TSHZ2: variants seen among roughly 807,000 people sequenced by gnomAD.
The protein encoded by TSHZ2 is teashirt homolog 2.
In TSHZ2, 21 loss-of-function variants were observed where a neutral mutation model predicts 74.4. The observed-to-expected ratio is 0.28, with a 90% CI of 0.20 to 0.41. The LOEUF (loss-of-function observed/expected upper bound fraction) is 0.41. Among genes scored for constraint, TSHZ2 ranks in the 10% least tolerant of loss-of-function variants. The pLI is 1.00. For synonymous variants in TSHZ2, 540 were observed against 515.3 expected (o/e 1.05, Z -0.65); for missense variants, 1,244 against 1,293.5 (o/e 0.96, Z 0.59).
Position 53,342,955 on chromosome 20 carries a change from C to CTTTTTTTTTTTTTT in TSHZ2, c.*8+86400_*8+86413dup, listed in dbSNP as rs1175907478. 3.2e-3 allele frequency among the ~76,000 whole-genome samples: 199 copies of CTTTTTTTTTTTTTT among 61,252 alleles called. 15 individuals carry two copies. Among genetic ancestry groups the CTTTTTTTTTTTTTT allele is most frequent in the African/African-American group, 4.8e-3 (72 of 14,978 alleles). 40.2% of individuals were successfully genotyped at this position (61,252 alleles called of 152,430 possible). A position where few individuals can be genotyped will look rare whatever the true frequency, so the allele number is the denominator to read the frequency against. On this transcript the variant is annotated intron_variant, in intron 2 of 2. Coordinates refer to ENST00000371497, the MANE Select transcript of TSHZ2 (RefSeq NM_173485.6). ...TATTTCTTTTCTTTTCTTTTCTTTT[C>CTTTTTTTTTTTTTT]TTTTTTTTTTTTTTTTTTTTTTTTT... is the stretch of plus-strand genomic sequence containing the variant.
At chr20:53,421,604 C>A in intron 2 of TSHZ2, 1 of 202,532 alleles carries the variant, frequency 4.9e-6, no homozygotes. Context: ...GAGCTTTGGG[C>A]CAGGAATGGC....
At chr20:53,321,560 T>G (rs1568867126) in intron 2 of TSHZ2, among the ~76,000 whole-genome samples, 1 of 151,572 alleles carries the variant, frequency 6.6e-6, no homozygotes, top group Non-Finnish European at 1.5e-5. Context: ...GGCACATGCC[T>G]GTAATCCCAG....
chr20:53,057,603 C>T (rs1361810262), intron 1 of TSHZ2, among the ~76,000 whole-genome samples: 5 of 152,064 alleles, frequency 3.3e-5, no homozygotes, highest in Non-Finnish European at 7.4e-5. Context: ...CATATTTGGT[C>T]ATATCCCCAA....
intron 2 of TSHZ2, among the ~76,000 whole-genome samples, chr20:53,432,904 C>T (rs991527709): frequency 6.6e-6 from 1 of 152,140 alleles, no homozygotes; most frequent in African/African-American, 2.4e-5. Flanking sequence ...GCAACAATGG[C>T]ATTGAGTCAA....
intron 2 of TSHZ2, among the ~76,000 whole-genome samples, chr20:53,378,688 A>G (rs1265463943): frequency 6.6e-6 from 1 of 152,224 alleles, no homozygotes; most frequent in African/African-American, 2.4e-5. Flanking sequence ...AGGATAGCTA[A>G]TGAATACTTT....
intron 1 of TSHZ2, among the ~76,000 whole-genome samples, chr20:53,124,555 C>T (rs1208241437): frequency 6.6e-6 from 1 of 152,210 alleles, no homozygotes; most frequent in African/African-American, 2.4e-5. Flanking sequence ...GAATTGCCAA[C>T]TTGGCTTTAC....
chr20:53,297,447 G>GA (rs1352562771), intron 2 of TSHZ2, among the ~76,000 whole-genome samples: 3 of 151,950 alleles, frequency 2.0e-5, no homozygotes, highest in Non-Finnish European at 2.9e-5. Flanking sequence ...CTTACCCAAG[G>GA]TAGTCTTGAA....
Position 53,312,094 on chromosome 20 carries a change from T to A in TSHZ2, c.*8+55523T>A, listed in dbSNP as rs1250148080. Among the ~76,000 whole-genome samples, 3 of 152,018 alleles carry A rather than the reference T, an allele frequency of 2.0e-5. No individual in the cohort carries two copies. In the East Asian group the frequency reaches 5.8e-4, roughly 29 times the overall value. ...AGATCCTGGCTCAGAAAAATAAAAA[T>A]TTTTTTAAAAAAAATCTTACCTGTA... On this transcript the variant is annotated intron_variant, in intron 2 of 2. Coordinates refer to ENST00000371497, the MANE Select transcript of TSHZ2 (RefSeq NM_173485.6).
intron 1 of TSHZ2, among the ~76,000 whole-genome samples, chr20:53,068,312 C>T (rs1985061260): frequency 6.6e-6 from 1 of 152,106 alleles, no homozygotes; most frequent in South Asian, 2.1e-4. Flanking sequence ...ATCCCGAGTC[C>T]TGCTTGTCTC....
At chr20:53,273,083 G>T (rs1023887372) in intron 2 of TSHZ2, among the ~76,000 whole-genome samples, 1 of 152,210 alleles carries the variant, frequency 6.6e-6, no homozygotes, top group African/African-American at 2.4e-5. Context: ...TCAGAGAAAG[G>T]CCGGAGTGTC....
intron 1 of TSHZ2, among the ~76,000 whole-genome samples, chr20:53,081,407 G>A (rs10470030): frequency 0.079 from 12,029 of 152,224 alleles, 1,131 homozygotes; most frequent in African/African-American, 0.23. Flanking sequence ...ATTTGTGTAC[G>A]TGTGACTTCG....
Position 53,255,128 on chromosome 20 carries a change from C to G in TSHZ2, c.1670C>G (p.Pro557Arg). 1 of 1,614,208 alleles carries G rather than the reference C, an allele frequency of 6.2e-7. No homozygotes were observed. Among genetic ancestry groups the G allele is most frequent in the Non-Finnish European group, 8.5e-7 (1 of 1,180,046 alleles). Residue 557 changes from proline to arginine, a missense_variant, in exon 2 of 3, where the codon CCT becomes CGT. Around this residue, in one of 6 missense-constraint regions of TSHZ2, gnomAD observed 562 missense variants for 544.0 expected, o/e 1.03. Coordinates refer to ENST00000371497, the MANE Select transcript of TSHZ2 (RefSeq NM_173485.6). This position sits in a 1 kb window ranked among gnomAD's most constrained non-coding sequence, Gnocchi z 4.1. ...AYQLSEGTKPPLPMGSQVLQI... is the reference protein window; with the variant it reads ...AYQLSEGTKPRLPMGSQVLQI... ...CAGCTGTCTGAGGGCACCAAGCCGC[C>G]TTTGCCTATGGGATCCCAGGTACTG...
Position 53,391,336 on chromosome 20 carries a change from G to A in TSHZ2, c.*9-95808G>A, listed in dbSNP as rs374037306. Among the ~76,000 whole-genome samples, 8 of 152,168 alleles carry A rather than the reference G, an allele frequency of 5.3e-5. No homozygotes were observed. In the East Asian group the frequency reaches 1.4e-3, roughly 26 times the overall value. ...TAATTTTTGTATTTTTAATAGAGACGGGGTTTCACCGTGTTAGCCAGGATG... is the reference window on the plus strand; with the variant it reads ...TAATTTTTGTATTTTTAATAGAGACAGGGTTTCACCGTGTTAGCCAGGATG... On this transcript the variant is annotated intron_variant, in intron 2 of 2. Transcript: ENST00000371497.
At chr20:53,148,553 G>A (rs1371853004) in intron 1 of TSHZ2, among the ~76,000 whole-genome samples, 1 of 152,146 alleles carries the variant, frequency 6.6e-6, no homozygotes, top group African/African-American at 2.4e-5. Flanking sequence ...ATGTGGCTGA[G>A]TTTGCCTATT....
intron 1 of TSHZ2, among the ~76,000 whole-genome samples, chr20:53,168,311 A>T (rs947079561): frequency 2.0e-5 from 3 of 152,156 alleles, no homozygotes; most frequent in African/African-American, 7.2e-5. Flanking sequence ...GACTCCAGAC[A>T]TTGTTCTATG....
rs551949562 is a variant in TSHZ2 at position 53,238,515 on chromosome 20, T to C, written c.41-14984T>C. 7.9e-5 allele frequency among the ~76,000 whole-genome samples: 12 copies of C among 152,122 alleles called. No individual in the cohort carries two copies. In the South Asian group the frequency reaches 2.3e-3, roughly 29 times the overall value. ...TTGGCCAAGCTGGTGTTCTGTGCCA[T>C]AGTAAAGCAAAAACAAAACAAAACA... On this transcript the variant is annotated intron_variant, in intron 1 of 2. Transcript: ENST00000371497.
chr20:53,264,635 A>G (rs1240783274), intron 2 of TSHZ2, among the ~76,000 whole-genome samples: 1 of 152,242 alleles, frequency 6.6e-6, no homozygotes, highest in Non-Finnish European at 1.5e-5. Flanking sequence ...ATGCCTTGCA[A>G]GCTACCCAGC....
chr20:53,394,741 C>T (rs1568898495), intron 2 of TSHZ2, among the ~76,000 whole-genome samples: 1 of 132,016 alleles, frequency 7.6e-6, no homozygotes, highest in Non-Finnish European at 1.5e-5. Context: ...TCAAAGCAAA[C>T]ATCACTAATC....
At chr20:53,076,761 C>A (rs935350725) in intron 1 of TSHZ2, among the ~76,000 whole-genome samples, 2 of 152,144 alleles carry the variant, frequency 1.3e-5, no homozygotes, top group Admixed American at 1.3e-4. Context: ...ATTCAATGAA[C>A]TTAGGAAAAC....
Sources: gnomAD v4.1 joint callset for allele counts (sites outside exome capture counted in the v4.1 genomes callset) on GRCh38, gnomAD v4.1.1 for gene constraint, gnomAD v4.1.1 regional missense constraint, Gnocchi (gnomAD v3.1) non-coding constraint, MANE v1.5 for transcripts, NCBI Gene and HGNC (gene_info 2026-07-23, HGNC 2026-07-21) for gene names.